PSAP: variants seen among roughly 807,000 people sequenced by gnomAD.
PSAP encodes precursor of saposins.
PSAP carries 25 observed loss-of-function variants against 66.0 expected under a neutral mutation model. The ratio of observed to expected loss-of-function variants is 0.38; its 90% confidence interval spans 0.28 to 0.53. The LOEUF is 0.53. PSAP is among the 20% of genes least tolerant of loss of function. The pLI, the probability that PSAP is intolerant of heterozygous loss-of-function variation, is 0.83. For synonymous variants in PSAP, 273 were observed against 258.9 expected (o/e 1.05, Z -0.52); for missense variants, 649 against 668.8 (o/e 0.97, Z 0.33).
intron 7 of PSAP, among the ~76,000 whole-genome samples, chr10:71,825,558 G>C (rs972796075): frequency 5.3e-5 from 8 of 152,182 alleles, no homozygotes; most frequent in African/African-American, 1.9e-4. Flanking sequence ...GCCAGACCTA[G>C]AAACCTGATG....
At chr10:71,820,195 C>T (rs1018501466) in intron 9 of PSAP, 45 bp downstream of exon 9, 1 of 1,519,474 alleles carries the variant, frequency 6.6e-7, no homozygotes, top group South Asian at 1.1e-5. Context: ...CATTCAGGCT[C>T]GGGGGGGCAG....
chr10:71,836,513 A>G (rs1564823596), intron 1 of PSAP, among the ~76,000 whole-genome samples: 1 of 152,122 alleles, frequency 6.6e-6, no homozygotes, highest in Non-Finnish European at 1.5e-5. Flanking sequence ...TGATGACACC[A>G]TGATACACTG....
intron 7 of PSAP, 187 bp from the exon 8 acceptor site, chr10:71,822,194 A>G (rs983634895): frequency 1.5e-4 from 107 of 721,664 alleles, no homozygotes; most frequent in Non-Finnish European, 2.2e-4. Context: ...GAAGCAGTGC[A>G]TATGTGCCAG....
chr10:71,825,749 C>A (rs1266730400), intron 7 of PSAP, 88 bp downstream of exon 7: 2 of 1,306,430 alleles, frequency 1.5e-6, no homozygotes, highest in Non-Finnish European at 2.2e-6. Context: ...AAAAGGGAAA[C>A]TAAACCATAT....
chr10:71,837,700 C>T lies in PSAP; in HGVS notation c.41-3195G>A, dbSNP rs746197531. 6.6e-5 allele frequency among the ~76,000 whole-genome samples: 10 copies of T among 152,328 alleles called. 1 individual carries two copies. Among genetic ancestry groups the T allele is most frequent in the Admixed American group, 3.9e-4 (6 of 15,300 alleles). ...ATCTAAGTAATGGTGTGTGATCCCA[C>T]GCATCGGTGGGAATGGGAGCGGCAA... On this transcript the variant is annotated intron_variant, in intron 1 of 13. Coordinates refer to ENST00000394936, the MANE Select transcript of PSAP (RefSeq NM_002778.4).
chr10:71,848,350 A>T (rs764572622), intron 1 of PSAP, among the ~76,000 whole-genome samples: 3 of 152,210 alleles, frequency 2.0e-5, no homozygotes, highest in Non-Finnish European at 4.4e-5. Flanking sequence ...CCATGTGGAC[A>T]GAGGGATATG....
chr10:71,821,934 G>A lies in PSAP; in HGVS notation c.851C>T (p.Pro284Leu). Reference sequence around the variant, plus strand: ...GACATTCTTGGAGGCCACTTTGGCGGGGACCAGAGTCTGCATGGGCATCTC... The same window carrying A: ...GACATTCTTGGAGGCCACTTTGGCGAGGACCAGAGTCTGCATGGGCATCTC... ...VKEMPMQTLVPAKVASKNVIP... is the reference protein window; with the variant it reads ...VKEMPMQTLVLAKVASKNVIP... The change falls in exon 8 of 14, where the codon CCC (proline) becomes CTC (leucine). Residue 284 changes from proline to leucine, a missense_variant. Transcript: ENST00000394936. 1 of 1,614,192 alleles carries A rather than the reference G, an allele frequency of 6.2e-7. No homozygotes were observed. The highest frequency in any genetic ancestry group is 8.5e-7 in the Non-Finnish European group (1 of 1,180,040).
At chr10:71,828,280 G>A in intron 5 of PSAP, 123 bp from the exon 6 acceptor site, 1 of 1,010,766 alleles carries the variant, frequency 9.9e-7, no homozygotes, top group South Asian at 1.3e-5. Flanking sequence ...ATGCTTTACA[G>A]GCTCTCAAAT....
At chr10:71,827,967 A>C (rs1024517981) in intron 6 of PSAP, 47 bp downstream of exon 6, 2 of 1,612,644 alleles carry the variant, frequency 1.2e-6, no homozygotes, top group African/African-American at 1.3e-5. Context: ...CCACAGCCCA[A>C]CTCCCAGGCC....
At chr10:71,824,392 G>A (rs990426637) in intron 7 of PSAP, among the ~76,000 whole-genome samples, 1 of 152,222 alleles carries the variant, frequency 6.6e-6, no homozygotes, top group Non-Finnish European at 1.5e-5. Flanking sequence ...GTGGCCAAAT[G>A]GCAGCCTGGA....
At chr10:71,849,798 C>G (rs547981380) in intron 1 of PSAP, among the ~76,000 whole-genome samples, 1 of 152,046 alleles carries the variant, frequency 6.6e-6, no homozygotes, top group East Asian at 1.9e-4. Flanking sequence ...CATAAGCCAC[C>G]GCACCCAGAT....
intron 1 of PSAP, among the ~76,000 whole-genome samples, chr10:71,845,951 A>G (rs1842814635): frequency 6.6e-6 from 1 of 152,360 alleles, no homozygotes; most frequent in South Asian, 2.1e-4. Flanking sequence ...TAATAAGTCA[A>G]TTTAATTTTG....
chr10:71,833,476 T>A (rs977527020), intron 2 of PSAP, among the ~76,000 whole-genome samples: 1 of 152,172 alleles, frequency 6.6e-6, no homozygotes, highest in African/African-American at 2.4e-5. Flanking sequence ...AGGGCAAGTA[T>A]GGCCACAGAA....
intron 4 of PSAP, 51 bp downstream of exon 4, chr10:71,831,075 T>C: frequency 6.2e-7 from 1 of 1,611,118 alleles, no homozygotes; most frequent in African/African-American, 1.3e-5. Flanking sequence ...CCACTGCCTC[T>C]CCTGGGCCCC....
intron 1 of PSAP, among the ~76,000 whole-genome samples, chr10:71,839,518 G>A (rs990476455): frequency 6.6e-6 from 1 of 152,230 alleles, no homozygotes; most frequent in South Asian, 2.1e-4. Context: ...GATTACAAGC[G>A]TGAGCCACCA....
In PSAP at chr10:71,816,515, C is replaced by T. The variant is rs759800622; in HGVS notation, c.*926G>A. 1 of 459,462 alleles carries T rather than the reference C, an allele frequency of 2.2e-6. No homozygotes were observed. Among genetic ancestry groups the T allele is most frequent in the Non-Finnish European group, 4.6e-6 (1 of 217,236 alleles). 28.5% of individuals were successfully genotyped at this position (459,462 alleles called of 1,614,324 possible). On this transcript the variant is annotated 3_prime_UTR_variant, in exon 14 of 14. Coordinates refer to ENST00000394936, the MANE Select transcript of PSAP (RefSeq NM_002778.4). ...CACACCCAGCAGACCCTTCGGCATG[C>T]CGCCCTCTACCAGGAAGCCAGAGGC...
rs1159164287 is a variant in PSAP, at chr10:71,818,936, A to G, written c.1431+95T>C. 3 of 1,247,538 alleles carry G rather than the reference A, an allele frequency of 2.4e-6. No homozygotes were observed. In the Admixed American group the frequency reaches 5.7e-5, roughly 24 times the overall value. The allele number at this position is 1,247,538 out of a possible 1,614,324, so 77.3% of individuals were successfully genotyped here. On this transcript the variant is annotated intron_variant, in intron 12 of 13. Coordinates refer to ENST00000394936, the MANE Select transcript of PSAP (RefSeq NM_002778.4). ...TCCCGCAGCAGAACCCAGAGACTCC[A>G]CCCCACGGCCAAGTCTCAGAGCAAC... is the stretch of plus-strand genomic sequence containing the variant.
At chr10:71,827,328 G>A (rs910136227) in intron 6 of PSAP, among the ~76,000 whole-genome samples, 6 of 151,904 alleles carry the variant, frequency 3.9e-5, no homozygotes, top group Admixed American at 1.3e-4. Flanking sequence ...GAACCCGGGA[G>A]GCGGAGCTTG....
intron 6 of PSAP, among the ~76,000 whole-genome samples, chr10:71,827,773 C>T (rs1394018911): frequency 6.6e-6 from 1 of 151,830 alleles, no homozygotes; most frequent in Non-Finnish European, 1.5e-5. Context: ...CTACAGTGTT[C>T]CTAATACACA....
Sources: gnomAD v4.1 joint callset for allele counts (sites outside exome capture counted in the v4.1 genomes callset) on GRCh38, gnomAD v4.1.1 for gene constraint, MANE v1.5 for transcripts, NCBI Gene and HGNC (gene_info 2026-07-23, HGNC 2026-07-21) for gene names.